The following CCDC148 variants were observed in gnomAD, a reference collection of about 807,000 sequenced individuals.
The protein encoded by CCDC148 is coiled-coil domain-containing protein 148.
In CCDC148, 89 loss-of-function variants were observed where a neutral mutation model predicts 85.7. The observed-to-expected ratio is 1.04, with a 90% CI of 0.87 to 1.24. CCDC148 has a LOEUF of 1.24. Ranked by LOEUF, CCDC148 falls within the 50% of genes most tolerant of loss-of-function variation. The probability of loss-of-function intolerance (pLI) is 0.00; values close to 1 mark genes in which losing one functional copy is unlikely to be tolerated. For synonymous variants in CCDC148, 230 were observed against 213.9 expected (o/e 1.08, Z -0.66); for missense variants, 692 against 671.7 (o/e 1.03, Z -0.33).
chr2:158,331,591 A>T lies in CCDC148; in HGVS notation c.764+7135T>A, dbSNP rs546201246. ...GACTTTCTGTCTCCTTGATCTGTCT[A>T]ATGTTGCCATGGGGTGTTAAAGTCT... On this transcript the variant is annotated intron_variant, in intron 7 of 13. Coordinates refer to ENST00000283233, the MANE Select transcript of CCDC148 (RefSeq NM_138803.4). Among the ~76,000 whole-genome samples the T allele has an allele frequency of 3.5e-5, 5 of 144,052 alleles. No homozygotes were observed. In the South Asian group the frequency reaches 8.5e-4, roughly 25 times the overall value. 94.5% of individuals were successfully genotyped at this position (144,052 alleles called of 152,430 possible).
chr2:158,318,774 CTG>C (rs1491290279), intron 7 of CCDC148, among the ~76,000 whole-genome samples: 11 of 133,420 alleles, frequency 8.2e-5, no homozygotes, highest in African/African-American at 1.1e-4. Flanking sequence ...TAGCCTTTTA[CTG>C]TTTTTTTTTT....
intron 11 of CCDC148, among the ~76,000 whole-genome samples, chr2:158,215,415 A>G (rs1424464379): frequency 1.3e-5 from 2 of 152,208 alleles, no homozygotes; most frequent in Non-Finnish European, 2.9e-5. Context: ...GAAGTATGAC[A>G]TCCAGCTTTG....
At chr2:158,406,654 C>T (rs1686038747) in intron 1 of CCDC148, among the ~76,000 whole-genome samples, 1 of 13,344 alleles carries the variant, frequency 7.5e-5, no homozygotes, top group South Asian at 4.2e-3. Context: ...ACAGTGTCTC[C>T]CTCCATTACC....
At chr2:158,213,696 T>C (rs1056595758) in intron 11 of CCDC148, among the ~76,000 whole-genome samples, 1 of 152,204 alleles carries the variant, frequency 6.6e-6, no homozygotes, top group African/African-American at 2.4e-5. Flanking sequence ...GACCGTTACA[T>C]ATCCTAGCTT....
chr2:158,265,736 C>T (rs566304622), intron 9 of CCDC148, among the ~76,000 whole-genome samples: 18 of 152,088 alleles, frequency 1.2e-4, no homozygotes, highest in Non-Finnish European at 2.2e-4. Context: ...TCCTTGGCTC[C>T]AGATCCAATT....
intron 1 of CCDC148, among the ~76,000 whole-genome samples, chr2:158,433,091 AATATAT>A (rs1553521584): frequency 2.7e-4 from 14 of 51,332 alleles, no homozygotes; most frequent in Admixed American, 6.4e-4. Context: ...AAAAAAAAAA[AATATAT>A]ATATATATAT....
intron 1 of CCDC148, among the ~76,000 whole-genome samples, chr2:158,403,135 T>C (rs1161599899): frequency 6.6e-6 from 1 of 152,124 alleles, no homozygotes. Context: ...ATTGAATCAA[T>C]TGATTTCATT....
chr2:158,346,050 T>C lies in CCDC148; in HGVS notation c.148-732A>G, dbSNP rs367749821. 8.5e-5 allele frequency among the ~76,000 whole-genome samples: 13 copies of C among 152,348 alleles called. 2 individuals are homozygous for C. The highest frequency in any genetic ancestry group is 6.5e-4 in the Admixed American group (10 of 15,296). On this transcript the variant is annotated intron_variant, in intron 2 of 13. Transcript: ENST00000283233. ...ATTTTCAACTAAATGTAATTTTTCC[T>C]CAATTTTACTACTTTTTAAAAATGT...
chr2:158,294,132 C>T (rs1691055231), intron 9 of CCDC148, among the ~76,000 whole-genome samples: 1 of 149,318 alleles, frequency 6.7e-6, no homozygotes, highest in Admixed American at 6.7e-5. Flanking sequence ...ATTTTATGTT[C>T]CTATAGTTTT....
intron 11 of CCDC148, among the ~76,000 whole-genome samples, chr2:158,206,698 T>C (rs1007292155): frequency 6.6e-6 from 1 of 152,290 alleles, no homozygotes; most frequent in East Asian, 1.9e-4. Flanking sequence ...GTTTGGCCAG[T>C]AGATTAGGGA....
chr2:158,395,734 T>A (rs1265132507), intron 1 of CCDC148, among the ~76,000 whole-genome samples: 1 of 152,118 alleles, frequency 6.6e-6, no homozygotes, highest in Non-Finnish European at 1.5e-5. Context: ...ATCATGCACA[T>A]CTGGATTCAC....
At chr2:158,449,358 T>G (rs751355146) in intron 1 of CCDC148, among the ~76,000 whole-genome samples, 1 of 152,174 alleles carries the variant, frequency 6.6e-6, no homozygotes, top group Non-Finnish European at 1.5e-5. Context: ...GAACCTCCAG[T>G]AAAATGGTGA....
chr2:158,304,864 T>C lies in CCDC148; in HGVS notation c.1110+4569A>G, dbSNP rs78744240. ...AGCACCTGGGGAGATGAGGCCACTA[T>C]GGAAGTGGGTAAGAAGACTGCAGCT... On this transcript the variant is annotated intron_variant, in intron 9 of 13. Coordinates refer to ENST00000283233, the MANE Select transcript of CCDC148 (RefSeq NM_138803.4). Among the ~76,000 whole-genome samples, 1,124 of 152,240 alleles carry C rather than the reference T, an allele frequency of 7.4e-3. 22 individuals carry two copies. The highest frequency in any genetic ancestry group is 0.026 in the African/African-American group (1,071 of 41,530).
intron 10 of CCDC148, among the ~76,000 whole-genome samples, chr2:158,238,825 T>C (rs1688223601): frequency 6.6e-6 from 1 of 152,158 alleles, no homozygotes; most frequent in South Asian, 2.1e-4. Context: ...GACCCGAAAG[T>C]AAATAGTTTG....
Position 158,366,076 on chromosome 2 carries a change from T to A in CCDC148, c.26-7506A>T, listed in dbSNP as rs1422675181. 7.2e-6 allele frequency: 11 copies of A among 1,525,802 alleles called. No homozygotes were observed. The East Asian group carries it at 2.7e-4, about 38-fold the overall frequency. The allele number at this position is 1,525,802 out of a possible 1,614,324, so 94.5% of individuals were successfully genotyped here. ...GTCTCTTTGATTCATGTTTTCCGTA[T>A]CTGTTAAGGAAACGAGAGAACTAAA... On this transcript the variant is annotated intron_variant, in intron 1 of 13. Transcript: ENST00000283233.
At chr2:158,181,953 T>C (rs926888512) in intron 11 of CCDC148, among the ~76,000 whole-genome samples, 3 of 151,682 alleles carry the variant, frequency 2.0e-5, no homozygotes, top group Admixed American at 6.6e-5. Flanking sequence ...GGAAGAGTAC[T>C]CATAGGAGGT....
chr2:158,330,891 C>T (rs958664602), intron 7 of CCDC148, among the ~76,000 whole-genome samples: 1 of 151,742 alleles, frequency 6.6e-6, no homozygotes, highest in African/African-American at 2.4e-5. Context: ...CTATTTGATT[C>T]TCCTCTCTTT....
At chr2:158,336,081 C>T (rs1682363642) in intron 7 of CCDC148, among the ~76,000 whole-genome samples, 1 of 152,148 alleles carries the variant, frequency 6.6e-6, no homozygotes, top group East Asian at 1.9e-4. Flanking sequence ...ACTATGCACA[C>T]ACTTCCACAT....
chr2:158,325,933 C>T lies in CCDC148; in HGVS notation c.765-12039G>A, dbSNP rs534800320. Reference sequence around the variant, plus strand: ...CAATATCTTCTTGCACTTCTACCCCCCAGCCCCACAGTTTATCTTAAACAC... The same window carrying T: ...CAATATCTTCTTGCACTTCTACCCCTCAGCCCCACAGTTTATCTTAAACAC... On this transcript the variant is annotated intron_variant, in intron 7 of 13. Transcript: ENST00000283233. 2.0e-5 allele frequency among the ~76,000 whole-genome samples: 3 copies of T among 152,252 alleles called. No homozygotes were observed. In the South Asian group the frequency reaches 6.2e-4, roughly 32 times the overall value.
Sources: allele counts gnomAD v4.1 joint callset (sites outside exome capture counted in the v4.1 genomes callset), GRCh38; gene constraint gnomAD v4.1.1; transcripts MANE v1.5; gene names NCBI Gene and HGNC (gene_info 2026-07-23, HGNC 2026-07-21).